SPAG16: variants seen among roughly 807,000 people sequenced by gnomAD.
The protein encoded by SPAG16 is sperm associated antigen 16.
A neutral mutation model predicts 80.4 loss-of-function variants in SPAG16; 86 were observed. The observed-to-expected ratio is 1.07, with a 90% CI of 0.90 to 1.28. SPAG16 has a LOEUF of 1.28. Among genes scored for constraint, SPAG16 ranks in the 50% most tolerant of loss-of-function variants. The pLI is 0.00. For missense variants in SPAG16, 870 were observed against 765.3 expected (o/e 1.14, Z -1.61); for synonymous variants, 294 against 265.9 (o/e 1.11, Z -1.03).
At chr2:213,790,093 C>T (rs1161863713) in intron 10 of SPAG16, among the ~76,000 whole-genome samples, 5 of 151,814 alleles carry the variant, frequency 3.3e-5, no homozygotes, top group Non-Finnish European at 7.4e-5. Context: ...CAACATCATC[C>T]ACTCCCTTGT....
chr2:213,506,066 A>T (rs1436460549), intron 10 of SPAG16, among the ~76,000 whole-genome samples: 1 of 151,936 alleles, frequency 6.6e-6, no homozygotes, highest in African/African-American at 2.4e-5. Flanking sequence ...TTAGATATTT[A>T]TGGATACAAT....
chr2:214,104,256 A>C (rs2053249414), intron 13 of SPAG16, among the ~76,000 whole-genome samples: 1 of 152,250 alleles, frequency 6.6e-6, no homozygotes, highest in African/African-American at 2.4e-5. Flanking sequence ...GGTCAGATAC[A>C]GAGACAAGAG....
At chr2:213,909,756 C>G (rs1285671729) in intron 11 of SPAG16, among the ~76,000 whole-genome samples, 1 of 152,154 alleles carries the variant, frequency 6.6e-6, no homozygotes. Context: ...AAACGTTAGA[C>G]CAAGATCATT....
At chr2:214,173,692 A>G (rs1336563704) in intron 15 of SPAG16, among the ~76,000 whole-genome samples, 2 of 151,964 alleles carry the variant, frequency 1.3e-5, no homozygotes, top group African/African-American at 4.8e-5. Context: ...TCCAATCAAT[A>G]GAAAAAGAGG....
At chr2:214,136,415 T>A (rs891900185) in intron 14 of SPAG16, among the ~76,000 whole-genome samples, 1 of 152,154 alleles carries the variant, frequency 6.6e-6, no homozygotes, top group Non-Finnish European at 1.5e-5. Flanking sequence ...ACCATAAAGA[T>A]GTAGAATTAA....
At chr2:213,984,495 A>T (rs924444406) in intron 12 of SPAG16, among the ~76,000 whole-genome samples, 10 of 152,164 alleles carry the variant, frequency 6.6e-5, no homozygotes, top group African/African-American at 2.4e-4. Context: ...ACCTTAGTAA[A>T]ACAATTCCAC....
At chr2:213,407,596 GGAGAGAGA>G (rs66674310) in intron 9 of SPAG16, among the ~76,000 whole-genome samples, 29,087 of 101,798 alleles carry the variant, frequency 0.29, 3,963 homozygotes, top group Middle Eastern at 0.42. Context: ...GAGAGAGACA[GGAGAGAGA>G]GAGAGAGAGA....
chr2:214,278,919 G>A (rs532848203), intron 15 of SPAG16, among the ~76,000 whole-genome samples: 15 of 152,158 alleles, frequency 9.9e-5, no homozygotes, highest in Admixed American at 2.0e-4. Context: ...AGACATTACC[G>A]CAAGCAAGTG....
intron 10 of SPAG16, among the ~76,000 whole-genome samples, chr2:213,518,077 A>G (rs1035281904): frequency 6.6e-6 from 1 of 152,240 alleles, no homozygotes; most frequent in Non-Finnish European, 1.5e-5. Context: ...CCTAGTATCT[A>G]GAATCTGTAA....
At chr2:213,668,962 G>T (rs896531904) in intron 10 of SPAG16, among the ~76,000 whole-genome samples, 2 of 152,086 alleles carry the variant, frequency 1.3e-5, no homozygotes, top group Non-Finnish European at 2.9e-5. Context: ...AAATATAATA[G>T]TATTTCTAAG....
intron 10 of SPAG16, among the ~76,000 whole-genome samples, chr2:213,840,023 G>T (rs1200706700): frequency 2.0e-5 from 3 of 152,098 alleles, no homozygotes; most frequent in Non-Finnish European, 4.4e-5. Context: ...CAGCATTCCA[G>T]CTTTATAATT....
chr2:213,966,562 G>T (rs2044720871), intron 12 of SPAG16, among the ~76,000 whole-genome samples: 1 of 152,070 alleles, frequency 6.6e-6, no homozygotes, highest in Non-Finnish European at 1.5e-5. Flanking sequence ...ATCTGCCAAG[G>T]TGTTGAAAAT....
At chr2:214,063,270 T>G (rs2125191335) in intron 13 of SPAG16, among the ~76,000 whole-genome samples, 1 of 152,284 alleles carries the variant, frequency 6.6e-6, no homozygotes, top group African/African-American at 2.4e-5. Flanking sequence ...CCACCCATAC[T>G]TTTGCTTCAC....
chr2:213,702,700 T>G (rs971828291), intron 10 of SPAG16, among the ~76,000 whole-genome samples: 1 of 152,198 alleles, frequency 6.6e-6, no homozygotes, highest in Non-Finnish European at 1.5e-5. Flanking sequence ...GACCTCAAAA[T>G]GTTCCAGTAC....
chr2:213,561,735 A>G (rs577107603), intron 10 of SPAG16, among the ~76,000 whole-genome samples: 7 of 152,302 alleles, frequency 4.6e-5, no homozygotes, highest in Admixed American at 3.9e-4. Flanking sequence ...TTCTATTTTT[A>G]CAAGAATTTC....
intron 10 of SPAG16, among the ~76,000 whole-genome samples, chr2:213,549,267 ATT>A (rs1238459870): frequency 1.3e-5 from 2 of 151,966 alleles, no homozygotes; most frequent in Admixed American, 6.6e-5. Flanking sequence ...CTATTTAAAA[ATT>A]TTCTCTTATA....
In SPAG16 at chr2:214,199,659, G is replaced by C. The variant is rs184705580; in HGVS notation, c.1720+50393G>C. ...AAGAATGATGATGGTGTTTTAATGA[G>C]AATTACATTGAATCTGTAGATTGCT... is the stretch of plus-strand genomic sequence containing the variant. On this transcript the variant is annotated intron_variant, in intron 15 of 15. Transcript: ENST00000331683. Among the ~76,000 whole-genome samples, 37 of 152,222 alleles carry C rather than the reference G, an allele frequency of 2.4e-4. No individual in the cohort carries two copies. In the East Asian group the frequency reaches 7.0e-3, roughly 29 times the overall value.
intron 10 of SPAG16, among the ~76,000 whole-genome samples, chr2:213,694,971 T>G (rs549963095): frequency 6.6e-6 from 1 of 152,268 alleles, no homozygotes; most frequent in Non-Finnish European, 1.5e-5. Flanking sequence ...TTCATATTAG[T>G]GAATCTCATG....
At chr2:214,273,154 G>A (rs1324889800) in intron 15 of SPAG16, among the ~76,000 whole-genome samples, 1 of 152,030 alleles carries the variant, frequency 6.6e-6, no homozygotes, top group Non-Finnish European at 1.5e-5. Flanking sequence ...TTTTTTTCTT[G>A]TAAATTTGTT....
Sources: allele counts gnomAD v4.1 joint callset (sites outside exome capture counted in the v4.1 genomes callset), GRCh38; gene constraint gnomAD v4.1.1; transcripts MANE v1.5; gene names NCBI Gene and HGNC (gene_info 2026-07-23, HGNC 2026-07-21).